CREB5: variants seen among roughly 807,000 people sequenced by gnomAD.
The protein encoded by CREB5 is cAMP responsive element binding protein 5, also known as cyclic AMP-responsive element-binding protein 5.
Under a neutral mutation model 57.1 loss-of-function variants are expected in CREB5, and 19 were observed. That is an observed-to-expected ratio of 0.33 (90% confidence interval 0.23 to 0.49). CREB5 has a LOEUF of 0.49. CREB5 is among the 20% of genes least tolerant of loss of function. The pLI is 0.99. For synonymous variants in CREB5, 238 were observed against 238.3 expected (o/e 1.00, Z 0.01); for missense variants, 579 against 671.6 (o/e 0.86, Z 1.52).
intron 5 of CREB5, among the ~76,000 whole-genome samples, chr7:28,709,688 A>G (rs78391985): frequency 1.4e-5 from 2 of 146,284 alleles, no homozygotes. Flanking sequence ...GCTTTTATTA[A>G]AAAAAAAAAA....
intron 4 of CREB5, among the ~76,000 whole-genome samples, chr7:28,554,928 AG>A (rs1231705369): frequency 2.6e-5 from 4 of 152,204 alleles, no homozygotes; most frequent in Non-Finnish European, 5.9e-5. Flanking sequence ...TAGTAATTAG[AG>A]GGCACTATTG....
intron 1 of CREB5, among the ~76,000 whole-genome samples, chr7:28,406,506 G>A (rs189016403): frequency 6.6e-6 from 1 of 152,318 alleles, no homozygotes; most frequent in African/African-American, 2.4e-5. Flanking sequence ...AATCTTGGGT[G>A]GGTGGTACCC....
chr7:28,635,966 C>T (rs745492733), intron 5 of CREB5, among the ~76,000 whole-genome samples: 1 of 152,186 alleles, frequency 6.6e-6, no homozygotes, highest in Non-Finnish European at 1.5e-5. Flanking sequence ...AGCAACTTCT[C>T]AGTTGAGCAT....
At chr7:28,300,395 C>A (rs1490443078) in intron 1 of CREB5, among the ~76,000 whole-genome samples, 1 of 152,138 alleles carries the variant, frequency 6.6e-6, no homozygotes, top group East Asian at 1.9e-4. Flanking sequence ...CAATTTTGTC[C>A]TTTTCTCAAC....
intron 5 of CREB5, among the ~76,000 whole-genome samples, chr7:28,680,796 C>T (rs58211781): frequency 0.25 from 37,386 of 151,516 alleles, 4,766 homozygotes; most frequent in African/African-American, 0.29. Flanking sequence ...ATTGGACCTC[C>T]TGTTCCCCCA....
intron 1 of CREB5, among the ~76,000 whole-genome samples, chr7:28,404,260 G>A (rs535411512): frequency 6.6e-6 from 1 of 152,286 alleles, no homozygotes; most frequent in African/African-American, 2.4e-5. Flanking sequence ...GCCTAACACA[G>A]GGGCCTAATG....
rs1787843086 is a variant in CREB5 at position 28,412,534 on chromosome 7, A to AAC, written c.-379_-378dup. 1 of 175,594 alleles carries AAC rather than the reference A, an allele frequency of 5.7e-6. No individual in the cohort carries two copies. The highest frequency in any genetic ancestry group is 2.4e-5 in the African/African-American group (1 of 42,460). The allele number at this position is 175,594 out of a possible 1,614,324, so 10.9% of individuals were successfully genotyped here. Reference sequence around the variant, plus strand: ...TTGCGAGGTGTTCTTCAACATTTACAACAAAGTTGATTCTGTGTAGGGTTG... The same window carrying AAC: ...TTGCGAGGTGTTCTTCAACATTTACAACACAAAGTTGATTCTGTGTAGGGTTG... On this transcript the variant is annotated 5_prime_UTR_variant, in exon 1 of 11. Coordinates refer to ENST00000357727, the MANE Select transcript of CREB5 (RefSeq NM_182898.4).
At chr7:28,495,687 A>C (rs568939563) in intron 3 of CREB5, among the ~76,000 whole-genome samples, 1 of 152,232 alleles carries the variant, frequency 6.6e-6, no homozygotes, top group Admixed American at 6.5e-5. Context: ...TATAGCATGC[A>C]TGTGAAAACT....
At chr7:28,455,571 A>G (rs183567021) in intron 1 of CREB5, among the ~76,000 whole-genome samples, 3 of 152,224 alleles carry the variant, frequency 2.0e-5, no homozygotes. Context: ...AGAATCACAG[A>G]TAGGTATGAG....
chr7:28,686,049 A>T, intron 5 of CREB5: 2 of 1,395,992 alleles, frequency 1.4e-6, no homozygotes, highest in Non-Finnish European at 2.0e-6. Context: ...GGGCCAGCAC[A>T]TTACATCATC....
intron 1 of CREB5, among the ~76,000 whole-genome samples, chr7:28,458,879 A>G (rs1489746943): frequency 6.6e-6 from 1 of 152,256 alleles, no homozygotes; most frequent in Non-Finnish European, 1.5e-5. Flanking sequence ...TGCACGAGCC[A>G]TGAAGGCGAG....
chr7:28,569,658 A>G (rs1438528376), intron 4 of CREB5, among the ~76,000 whole-genome samples: 2 of 152,142 alleles, frequency 1.3e-5, no homozygotes, highest in Non-Finnish European at 1.5e-5. Flanking sequence ...CAAACATCCT[A>G]TGTTCCAGAG....
chr7:28,300,805 A>AT (rs1353536667), intron 1 of CREB5, among the ~76,000 whole-genome samples: 1 of 152,116 alleles, frequency 6.6e-6, no homozygotes, highest in African/African-American at 2.4e-5. Flanking sequence ...CACGAAGGGC[A>AT]TTTTTTTAAA....
At chr7:28,325,457 A>C (rs969908413) in intron 1 of CREB5, among the ~76,000 whole-genome samples, 16 of 93,502 alleles carry the variant, frequency 1.7e-4, no homozygotes, top group African/African-American at 8.4e-4. Flanking sequence ...TCCATCTCAA[A>C]AAAAAAAAAA....
intron 7 of CREB5, among the ~76,000 whole-genome samples, chr7:28,749,976 C>A (rs1247622369): frequency 6.6e-6 from 1 of 151,466 alleles, no homozygotes; most frequent in Non-Finnish European, 1.5e-5. Context: ...TATATCTTTT[C>A]TAGATATAAT....
At chr7:28,367,814 A>C (rs1562677567) in intron 1 of CREB5, among the ~76,000 whole-genome samples, 1 of 151,992 alleles carries the variant, frequency 6.6e-6, no homozygotes, top group African/African-American at 2.4e-5. Flanking sequence ...TTTCAAAACA[A>C]ACAAACAGAC....
At chr7:28,770,546 C>T (rs771209129) in intron 7 of CREB5, among the ~76,000 whole-genome samples, 17 of 152,130 alleles carry the variant, frequency 1.1e-4, no homozygotes, top group African/African-American at 1.7e-4. Context: ...TGTTAGTCCA[C>T]TTAATGTTTT....
chr7:28,447,540 A>T (rs1266830849), intron 1 of CREB5, among the ~76,000 whole-genome samples: 1 of 152,160 alleles, frequency 6.6e-6, no homozygotes, highest in African/African-American at 2.4e-5. Context: ...AGCCATGCTG[A>T]GCTGGAGAGA....
chr7:28,337,050 A>G (rs985883085), intron 1 of CREB5, among the ~76,000 whole-genome samples: 3 of 152,160 alleles, frequency 2.0e-5, no homozygotes, highest in Admixed American at 6.5e-5. Flanking sequence ...CATTGTGGTC[A>G]GAGAAGATAC....
Sources: allele counts gnomAD v4.1 joint callset (sites outside exome capture counted in the v4.1 genomes callset), GRCh38; gene constraint gnomAD v4.1.1; transcripts MANE v1.5; gene names NCBI Gene and HGNC (gene_info 2026-07-23, HGNC 2026-07-21).